USP9Y: variants seen among roughly 807,000 people sequenced by gnomAD.
USP9Y encodes the protein ubiquitin carboxyl-terminal hydrolase 9Y.
USP9Y carries 41 observed loss-of-function variants against 53.1 expected under a neutral mutation model. The observed-to-expected ratio is 0.77, with a 90% CI of 0.60 to 1.00. USP9Y has a LOEUF of 1.00. USP9Y is among the 50% of genes least tolerant of loss of function. The pLI is 0.00. For synonymous variants in USP9Y, 220 were observed against 173.7 expected, an observed-to-expected ratio of 1.27 and a Z score of -2.09; for missense variants, 567 against 535.8, an observed-to-expected ratio of 1.06 and a Z score of -0.58.
chrY:12,840,751 T>G, intron 36 of USP9Y, 137 bp downstream of exon 36: 1 of 194,859 alleles, frequency 5.1e-6, no homozygotes, highest in Non-Finnish European at 8.1e-6. Flanking sequence ...AACCTCATTT[T>G]ATATGAATGT....
At position 12,828,147 on chromosome Y, in the gene USP9Y, C is replaced by CAA. The variant is rs750126154; in HGVS notation, c.5022-5527_5022-5526dup. On this transcript the variant is annotated intron_variant, in intron 33 of 45. Transcript: ENST00000338981. Reference sequence around the variant, plus strand: ...TTTCCCCAAAACAGGAGAAGGAAATCAAAAAAAAAAAAAAAGGCATTAGAA... The same window carrying CAA: ...TTTCCCCAAAACAGGAGAAGGAAATCAAAAAAAAAAAAAAAAAGGCATTAGAA... Among the ~76,000 whole-genome samples, 59 of 10,297 alleles carry CAA rather than the reference C, an allele frequency of 5.7e-3. No individual in the cohort carries two copies. The East Asian group carries it at 0.12, about 21-fold the overall frequency. The allele number at this position is 10,297 out of a possible 37,273, so 27.6% of individuals were successfully genotyped here.
At chrY:12,774,201 G>A (rs761902760) in intron 17 of USP9Y, among the ~76,000 whole-genome samples, 63 of 32,970 alleles carry the variant, frequency 1.9e-3, no homozygotes, top group Non-Finnish European at 3.0e-3. Flanking sequence ...GGTGTCTCAT[G>A]CCTGTAATCC....
chrY:12,764,428 A>G (rs2053478553), intron 15 of USP9Y, among the ~76,000 whole-genome samples: 1 of 33,824 alleles, frequency 3.0e-5, no homozygotes, highest in Non-Finnish European at 7.3e-5. Flanking sequence ...GTTTATACAA[A>G]GAGAAAAATA....
chrY:12,827,041 A>G, intron 33 of USP9Y, among the ~76,000 whole-genome samples: 1 of 33,480 alleles, frequency 3.0e-5, no homozygotes, highest in Non-Finnish European at 7.4e-5. Context: ...CAAGGAGACT[A>G]AAGGATCTAA....
intron 22 of USP9Y, among the ~76,000 whole-genome samples, chrY:12,780,014 A>G: frequency 3.0e-5 from 1 of 33,811 alleles, no homozygotes. Context: ...CACTATGCCC[A>G]TGCTATTTTT....
intron 33 of USP9Y, among the ~76,000 whole-genome samples, chrY:12,821,724 C>T (rs762361388): frequency 8.1e-3 from 250 of 30,936 alleles, no homozygotes; most frequent in African/African-American, 0.031. Flanking sequence ...GCCTTTACAT[C>T]CCGGGTTCAA....
chrY:12,710,398 A>G (rs2053423842), intron 3 of USP9Y, among the ~76,000 whole-genome samples: 2 of 32,295 alleles, frequency 6.2e-5, no homozygotes, highest in East Asian at 1.6e-3. Flanking sequence ...AGGGTGATTC[A>G]TTAATTGCAT....
chrY:12,779,660 C>T lies in USP9Y; in HGVS notation c.3151+14C>T. On this transcript the variant is annotated intron_variant, in intron 22 of 45. Coordinates refer to ENST00000338981, the MANE Select transcript of USP9Y (RefSeq NM_004654.4). The stretch of plus-strand genomic sequence containing the variant: ...TTATGCCACCAGGTAAGAAAATGGT[C>T]CATCCCCCTATTCCACAGAAAGGAT... 2.5e-6 allele frequency: 1 copy of T among 394,519 alleles called. No homozygotes were observed. Among genetic ancestry groups the T allele is most frequent in the Non-Finnish European group, 3.6e-6 (1 of 280,006 alleles).
chrY:12,715,616 A>G, intron 3 of USP9Y, among the ~76,000 whole-genome samples: 1 of 33,043 alleles, frequency 3.0e-5, no homozygotes, highest in Admixed American at 2.7e-4. Flanking sequence ...CCAGCCTCTT[A>G]GTGGTTTTTA....
At chrY:12,761,078 C>CA (rs2053475045) in intron 15 of USP9Y, among the ~76,000 whole-genome samples, 1 of 34,177 alleles carries the variant, frequency 2.9e-5, no homozygotes, top group Non-Finnish European at 7.3e-5. Flanking sequence ...CCTCCCACCT[C>CA]AGTCTCCTGA....
At chrY:12,828,182 G>A in intron 33 of USP9Y, among the ~76,000 whole-genome samples, 1 of 31,128 alleles carries the variant, frequency 3.2e-5, no homozygotes. Context: ...AGATATGATG[G>A]CCTAAAACTA....
chrY:12,722,253 G>T, intron 5 of USP9Y, 66 bp downstream of exon 5: 1 of 274,435 alleles, frequency 3.6e-6, no homozygotes, highest in South Asian at 3.3e-5. Context: ...GTTCTTAAAG[G>T]CTTTTCATCC....
chrY:12,854,545 G>C (rs369944258), intron 42 of USP9Y, among the ~76,000 whole-genome samples: 1 of 33,469 alleles, frequency 3.0e-5, no homozygotes. Flanking sequence ...TGGGACTACA[G>C]GTGCATGCCA....
intron 42 of USP9Y, 41 bp downstream of exon 42, chrY:12,847,368 A>G: frequency 3.5e-6 from 1 of 288,398 alleles, no homozygotes; most frequent in African/African-American, 7.0e-5. Context: ...GAATTTCCCA[A>G]GTTCTTGAAA....
intron 14 of USP9Y, among the ~76,000 whole-genome samples, chrY:12,759,930 A>G (rs2053473388): frequency 3.0e-5 from 1 of 33,612 alleles, no homozygotes; most frequent in Non-Finnish European, 7.4e-5. Flanking sequence ...TTTCATGGGA[A>G]TAAACACTGG....
chrY:12,792,998 T>A (rs1318200368), intron 26 of USP9Y, 34 bp from the exon 27 acceptor site: 2 of 390,621 alleles, frequency 5.1e-6, no homozygotes, highest in Non-Finnish European at 7.2e-6. Context: ...TGAATATGTC[T>A]CTAGGTAACT....
chrY:12,792,959 G>A, intron 26 of USP9Y, 73 bp from the exon 27 acceptor site: 1 of 345,824 alleles, frequency 2.9e-6, no homozygotes, highest in Non-Finnish European at 4.2e-6. Context: ...AATTGTAAAT[G>A]TTAACCAGAG....
chrY:12,815,889 C>T, intron 31 of USP9Y, among the ~76,000 whole-genome samples: 22 of 34,429 alleles, frequency 6.4e-4, no homozygotes, highest in Admixed American at 5.7e-3. Context: ...ATTACATCAT[C>T]TTATATGACT....
In USP9Y at chrY:12,701,735, A is replaced by G. The variant is rs974848028; in HGVS notation, c.-441A>G. On this transcript the variant is annotated 5_prime_UTR_variant, in exon 1 of 46. Coordinates refer to ENST00000338981, the MANE Select transcript of USP9Y (RefSeq NM_004654.4). ...GTTTGCTGGTCTTAAAAACTGTGGT[A>G]TTTTGGTGATTCCATAAATTAGGTC... 1 of 33,597 alleles carries G rather than the reference A, an allele frequency of 3.0e-5. No individual in the cohort carries two copies. The highest frequency in any genetic ancestry group is 1.2e-4 in the African/African-American group (1 of 8,565). 8.4% of individuals were successfully genotyped at this position (33,597 alleles called of 400,897 possible). A position where few individuals can be genotyped will look rare whatever the true frequency, so the allele number is the denominator to read the frequency against.
Sources: allele counts gnomAD v4.1 joint callset (sites outside exome capture counted in the v4.1 genomes callset), GRCh38; gene constraint gnomAD v4.1.1; transcripts MANE v1.5; gene names NCBI Gene and HGNC (gene_info 2026-07-23, HGNC 2026-07-21).